PCNX2: variants seen among roughly 807,000 people sequenced by gnomAD.
PCNX2 encodes the protein pecanex-like protein 2.
Under a neutral mutation model 223.8 loss-of-function variants are expected in PCNX2, and 168 were observed. The observed-to-expected ratio is 0.75, with a 90% CI of 0.66 to 0.85. The LOEUF (loss-of-function observed/expected upper bound fraction) is 0.85, where lower values mean the gene tolerates loss of function less well. PCNX2 is among the 40% of genes least tolerant of loss of function. PCNX2 has a pLI of 0.00. For synonymous variants in PCNX2, 1,006 were observed against 1,052.6 expected (o/e 0.96, Z 0.86); for missense variants, 2,507 against 2,675.5 (o/e 0.94, Z 1.39).
At chr1:233,312,545 A>T in the PCNX2 span, among the ~76,000 whole-genome samples, 2 of 152,338 alleles carry the variant, frequency 1.3e-5, no homozygotes, top group Admixed American at 6.5e-5. Context: ...GAAATATGAA[A>T]TAGGTAATTC....
At chr1:233,135,602 G>C in intron 20 of PCNX2, among the ~76,000 whole-genome samples, 1 of 152,212 alleles carries the variant, frequency 6.6e-6, no homozygotes, top group East Asian at 1.9e-4. Context: ...TGCCAAATGA[G>C]AAAACAGGCA....
intron 21 of PCNX2, among the ~76,000 whole-genome samples, chr1:233,130,354 C>T (rs1481640954): frequency 6.6e-6 from 1 of 152,038 alleles, no homozygotes; most frequent in Non-Finnish European, 1.5e-5. Flanking sequence ...ACATGCAAAG[C>T]CAGGCTGCCA....
chr1:233,111,196 C>CT (rs1675094697), intron 21 of PCNX2, among the ~76,000 whole-genome samples: 1 of 152,102 alleles, frequency 6.6e-6, no homozygotes, highest in Admixed American at 6.5e-5. Flanking sequence ...AGGTCTGCCT[C>CT]TTATTAGTTG....
intron 17 of PCNX2, among the ~76,000 whole-genome samples, chr1:233,166,816 C>G (rs147203089): frequency 7.7e-4 from 117 of 152,132 alleles, no homozygotes; most frequent in African/African-American, 2.7e-3. Flanking sequence ...TAGGTGCAAC[C>G]CATTATGAAA....
chr1:233,073,476 T>A (rs1364834037), intron 23 of PCNX2, among the ~76,000 whole-genome samples: 1 of 152,148 alleles, frequency 6.6e-6, no homozygotes, highest in Middle Eastern at 3.2e-3. Flanking sequence ...TTAAAAAATT[T>A]TTTTTGAGAA....
intron 23 of PCNX2, among the ~76,000 whole-genome samples, chr1:233,071,275 T>C (rs1304692905): frequency 6.6e-6 from 1 of 152,170 alleles, no homozygotes; most frequent in Non-Finnish European, 1.5e-5. Context: ...GTATTAAGCC[T>C]AGTACCCATT....
At chr1:233,236,378 C>T (rs1658416076) in intron 9 of PCNX2, among the ~76,000 whole-genome samples, 1 of 152,006 alleles carries the variant, frequency 6.6e-6, no homozygotes, top group African/African-American at 2.4e-5. Flanking sequence ...AAAGGCTTCA[C>T]ATTTTTAGAC....
At position 233,167,744 on chromosome 1, in the gene PCNX2, C is replaced by A. The variant is rs190713239; in HGVS notation, c.3274-6381G>T. On this transcript the variant is annotated intron_variant, in intron 17 of 33. Coordinates refer to ENST00000258229, the MANE Select transcript of PCNX2 (RefSeq NM_014801.4). ...TCTTTAAAAGGAATCTTGTAAAACA[C>A]CTGAACTTCAGAGCTTGCTACTGTG... 5.1e-6 allele frequency: 5 copies of A among 984,786 alleles called. No individual in the cohort carries two copies. The East Asian group carries it at 4.5e-4, about 89-fold the overall frequency. The allele number at this position is 984,786 out of a possible 1,614,324, so 61.0% of individuals were successfully genotyped here.
chr1:233,280,557 C>T (rs773260763), intron 1 of PCNX2, among the ~76,000 whole-genome samples: 39 of 152,158 alleles, frequency 2.6e-4, no homozygotes, highest in Non-Finnish European at 5.0e-4. Context: ...CTAGGCCTCC[C>T]AAAGTGTTGG....
chr1:233,258,110 T>G lies in PCNX2; in HGVS notation c.1752A>C (p.Glu584Asp). Residue 584 changes from glutamate to aspartate, a missense_variant, in exon 5 of 34, where the codon GAA becomes GAC. This residue lies in a region of PCNX2 where 1,031 missense variants were observed against 1,021.7 expected (regional missense o/e 1.01). Transcript: ENST00000258229. ...CCGTCATCTTGGAAGTATTAATGGA[T>G]TCTAACAGGGAGACAAATTCCAGGA... The part of the protein sequence containing the change: ...SNFLEFVSLL[E>D]SINTSKMTAS... 5 of 1,613,970 alleles carry G rather than the reference T, an allele frequency of 3.1e-6. No homozygotes were observed. Among genetic ancestry groups the G allele is most frequent in the Non-Finnish European group, 4.2e-6 (5 of 1,179,864 alleles).
chr1:233,320,624 T>TA, the PCNX2 span, among the ~76,000 whole-genome samples: 8 of 152,328 alleles, frequency 5.3e-5, no homozygotes, highest in South Asian at 1.7e-3. Context: ...AGTAGTCGCT[T>TA]AAAGATTAGT....
intron 21 of PCNX2, among the ~76,000 whole-genome samples, chr1:233,108,777 A>C (rs1170032010): frequency 6.6e-6 from 1 of 152,198 alleles, no homozygotes; most frequent in Non-Finnish European, 1.5e-5. Flanking sequence ...AGGAAGGGGC[A>C]GGAACACCTG....
At chr1:233,247,487 T>C (rs1332867282) in intron 8 of PCNX2, among the ~76,000 whole-genome samples, 1 of 152,214 alleles carries the variant, frequency 6.6e-6, no homozygotes, top group African/African-American at 2.4e-5. Flanking sequence ...GTTTTTGCTA[T>C]GTTTTGTTTT....
At chr1:233,257,868 G>C (rs1369607241) in intron 5 of PCNX2, among the ~76,000 whole-genome samples, 160 bp downstream of exon 5, 1 of 152,176 alleles carries the variant, frequency 6.6e-6, no homozygotes, top group African/African-American at 2.4e-5. Context: ...ACAGAGCTTA[G>C]TATCGGTACA....
chr1:232,985,724 C>T, intron 33 of PCNX2: 1 of 513,598 alleles, frequency 1.9e-6, no homozygotes, highest in Non-Finnish European at 3.4e-6. Flanking sequence ...GTGTCCTTTC[C>T]TCTCCCTCAG....
chr1:233,099,670 T>C (rs1430223474), intron 21 of PCNX2, among the ~76,000 whole-genome samples: 1 of 152,162 alleles, frequency 6.6e-6, no homozygotes, highest in Non-Finnish European at 1.5e-5. Flanking sequence ...TCAGGTAAAA[T>C]AATTTAAAAT....
Position 232,984,394 on chromosome 1 carries a change from G to A in PCNX2, c.6324C>T (p.Asp2108=). ...CTCTCCTGCAGACAACCCCGAGAGT[G>A]TCCGCCACAGCCTCAGCCAGACATC... The part of the protein sequence containing the change: ...HDRCLAEAVA[D]TLGVVCRRAS... Residue 2108 remains aspartate (D), a synonymous_variant, in exon 34 of 34, where the codon GAC becomes GAT. Transcript: ENST00000258229. The A allele has an allele frequency of 6.2e-7, 1 of 1,613,690 alleles. No homozygotes were observed.
At chr1:233,271,859 C>G (rs1345240218) in intron 1 of PCNX2, among the ~76,000 whole-genome samples, 2 of 152,116 alleles carry the variant, frequency 1.3e-5, no homozygotes. Flanking sequence ...CAGTAGCATG[C>G]TGTTTTGGTG....
At chr1:233,326,790 A>G in the PCNX2 span, among the ~76,000 whole-genome samples, 1 of 152,190 alleles carries the variant, frequency 6.6e-6, no homozygotes, top group East Asian at 1.9e-4. Context: ...AAGCTCTTCT[A>G]TCTTTTTAGC....
Sources: allele counts gnomAD v4.1 joint callset (sites outside exome capture counted in the v4.1 genomes callset), GRCh38; gene constraint gnomAD v4.1.1; regional missense constraint gnomAD v4.1.1; transcripts MANE v1.5; gene names NCBI Gene and HGNC (gene_info 2026-07-23, HGNC 2026-07-21).